CAST: variants seen among roughly 807,000 people sequenced by gnomAD.
CAST encodes the protein MIR583 host.
In CAST, 76 loss-of-function variants were observed where a neutral mutation model predicts 119.6. The observed-to-expected ratio is 0.64, with a 90% CI of 0.53 to 0.77. The LOEUF (loss-of-function observed/expected upper bound fraction) is 0.77, where lower values mean the gene tolerates loss of function less well. Ranked by LOEUF, CAST falls within the 30% of genes least tolerant of loss-of-function variation. The pLI, the probability that CAST is intolerant of heterozygous loss-of-function variation, is 0.00. For synonymous variants in CAST, 319 were observed against 331.6 expected (o/e 0.96, Z 0.41); for missense variants, 953 against 946.5 (o/e 1.01, Z -0.09).
At chr5:96,095,896 A>C in the CAST span, among the ~76,000 whole-genome samples, 5 of 152,228 alleles carry the variant, frequency 3.3e-5, no homozygotes, top group Non-Finnish European at 5.9e-5. Context: ...TTGTATTTAA[A>C]TAACAGAAAA....
At chr5:96,073,610 C>T in the CAST span, among the ~76,000 whole-genome samples, 2 of 152,150 alleles carry the variant, frequency 1.3e-5, no homozygotes, top group Admixed American at 1.3e-4. Context: ...ACTTCCATCT[C>T]AGGTCATCAG....
the CAST span, among the ~76,000 whole-genome samples, chr5:96,248,839 T>G: frequency 6.6e-6 from 1 of 152,234 alleles, no homozygotes; most frequent in Non-Finnish European, 1.5e-5. Context: ...TGAGTCAATG[T>G]TTGGCTTCTT....
At chr5:96,234,665 G>A in the CAST span, among the ~76,000 whole-genome samples, 1 of 152,116 alleles carries the variant, frequency 6.6e-6, no homozygotes, top group Non-Finnish European at 1.5e-5. Flanking sequence ...AAAGAAAAGG[G>A]AAATTCAAAA....
chr5:96,012,836 A>G, the CAST span, among the ~76,000 whole-genome samples: 1 of 152,088 alleles, frequency 6.6e-6, no homozygotes, highest in Non-Finnish European at 1.5e-5. Context: ...CCATTTTTTT[A>G]GCATAGGACT....
chr5:96,397,940 AATC>A, the CAST span, among the ~76,000 whole-genome samples: 1,104 of 152,024 alleles, frequency 7.3e-3, 10 homozygotes, highest in African/African-American at 0.026. Flanking sequence ...AATCATTAAT[AATC>A]ATAATTATTT....
chr5:96,386,107 T>C, the CAST span, among the ~76,000 whole-genome samples: 2 of 152,264 alleles, frequency 1.3e-5, no homozygotes, highest in Non-Finnish European at 2.9e-5. Context: ...AACAATGCAC[T>C]GTGCTGTGAA....
chr5:96,432,852 G>A, the CAST span: 2 of 1,612,206 alleles, frequency 1.2e-6, no homozygotes, highest in Non-Finnish European at 1.7e-6. Context: ...CTTGAAAGTG[G>A]AAACTCTTAC....
the CAST span, among the ~76,000 whole-genome samples, chr5:96,357,759 G>A: frequency 6.6e-6 from 1 of 152,036 alleles, no homozygotes; most frequent in African/African-American, 2.4e-5. Context: ...TTTTCGCATT[G>A]ATGTTCATCA....
the CAST span, among the ~76,000 whole-genome samples, chr5:96,311,953 G>C: frequency 6.6e-6 from 1 of 151,814 alleles, no homozygotes; most frequent in Non-Finnish European, 1.5e-5. Context: ...CTGCAATTTT[G>C]TTAATTGTTT....
the CAST span, among the ~76,000 whole-genome samples, chr5:96,117,526 T>C: frequency 6.6e-6 from 1 of 152,210 alleles, no homozygotes; most frequent in African/African-American, 2.4e-5. Context: ...TGTGATTTTT[T>C]CCGCGTGTCA....
the CAST span, among the ~76,000 whole-genome samples, chr5:96,045,518 C>G: frequency 6.6e-6 from 1 of 152,034 alleles, no homozygotes; most frequent in Admixed American, 6.5e-5. Flanking sequence ...AGTGCTATTG[C>G]TAGGTACTGT....
the CAST span, among the ~76,000 whole-genome samples, chr5:96,120,305 G>T: frequency 1.3e-5 from 2 of 152,144 alleles, no homozygotes; most frequent in Non-Finnish European, 2.9e-5. Flanking sequence ...TTGGAAAGTT[G>T]GATTTTCCTG....
At chr5:96,702,417 A>T (rs1239039453) in intron 3 of CAST, among the ~76,000 whole-genome samples, 2 of 152,236 alleles carry the variant, frequency 1.3e-5, no homozygotes. Context: ...ACTACTCTTT[A>T]AAGAAATCCA....
the CAST span, among the ~76,000 whole-genome samples, chr5:96,307,450 C>T: frequency 6.6e-6 from 1 of 152,190 alleles, no homozygotes; most frequent in Non-Finnish European, 1.5e-5. Flanking sequence ...AGCCCATTTA[C>T]ATTTAAGGTT....
intron 1 of CAST, among the ~76,000 whole-genome samples, chr5:96,533,101 A>G (rs1452040487): frequency 6.6e-6 from 1 of 152,214 alleles, no homozygotes; most frequent in Non-Finnish European, 1.5e-5. Context: ...GAGCACTAGA[A>G]GACAACAGAG....
At chr5:96,199,821 A>G in the CAST span, among the ~76,000 whole-genome samples, 3 of 152,130 alleles carry the variant, frequency 2.0e-5, no homozygotes, top group African/African-American at 7.2e-5. Context: ...ACATATGTCA[A>G]TAATTTTATG....
At chr5:96,414,963 C>T in the CAST span, among the ~76,000 whole-genome samples, 3,750 of 152,192 alleles carry the variant, frequency 0.025, 153 homozygotes, top group African/African-American at 0.086. Context: ...AAATGCATAA[C>T]CAAATGCAAG....
At chr5:96,427,518 T>C in the CAST span, among the ~76,000 whole-genome samples, 6 of 152,246 alleles carry the variant, frequency 3.9e-5, no homozygotes, top group Non-Finnish European at 7.3e-5. Context: ...ATTCTTGGGC[T>C]AATTTTTTAC....
At chr5:96,127,269 C>T in the CAST span, among the ~76,000 whole-genome samples, 1 of 152,000 alleles carries the variant, frequency 6.6e-6, no homozygotes, top group Non-Finnish European at 1.5e-5. Flanking sequence ...TTGTGAAATT[C>T]AGTAATTGGT....
Sources: gnomAD v4.1 joint callset for allele counts (sites outside exome capture counted in the v4.1 genomes callset) on GRCh38, gnomAD v4.1.1 for gene constraint, MANE v1.5 for transcripts, NCBI Gene and HGNC (gene_info 2026-07-23, HGNC 2026-07-21) for gene names.